The following SYT7 variants were observed in gnomAD, a reference collection of about 807,000 sequenced individuals.
SYT7 encodes the protein synaptotagmin-7.
A neutral mutation model predicts 75.1 loss-of-function variants in SYT7; 29 were observed. The ratio of observed to expected loss-of-function variants is 0.39; its 90% CI spans 0.29 to 0.53. The LOEUF is 0.53. Among genes scored for constraint, SYT7 ranks in the 20% least tolerant of loss-of-function variants. The probability of loss-of-function intolerance (pLI) is 0.77; values close to 1 mark genes in which losing one functional copy is unlikely to be tolerated. For missense variants in SYT7, 693 were observed against 953.2 expected, an observed-to-expected ratio of 0.73 and a Z score of 3.59; for synonymous variants, 376 against 401.7, an observed-to-expected ratio of 0.94 and a Z score of 0.76.
rs947231519 is a variant in SYT7, at chr11:61,576,997, T to A, written c.31+3793A>T. 4.6e-5 allele frequency among the ~76,000 whole-genome samples: 7 copies of A among 152,204 alleles called. No homozygotes were observed. Among genetic ancestry groups the A allele is most frequent in the African/African-American group, 1.7e-4 (7 of 41,520 alleles). ...ACCTGTCACCTACTGGCCTGTACGT[T>A]CCCACCTCAATCCGGCCTGCTCTAA... On this transcript the variant is annotated intron_variant, in intron 1 of 12. Transcript: ENST00000539008. This position sits in a 1 kb window ranked among gnomAD's most constrained non-coding sequence, Gnocchi z 4.1.
chr11:61,531,039 C>T, intron 8 of SYT7: 4 of 985,480 alleles, frequency 4.1e-6, no homozygotes, highest in Non-Finnish European at 4.8e-6. Context: ...CCTTCTTTGG[C>T]CAGCTCTGGG....
In SYT7 at chr11:61,580,813, C is replaced by T. The variant is rs999163469; in HGVS notation, c.8G>A (p.Arg3Gln). MY[R>Q]DPEAASPGAP... ...ACCTGGGCTGGCCGCCTCCGGGTCC[C>T]GGTACATGGTCCCCTCGTCGCCGGT... The change falls in exon 1 of 13, where the codon CGG (arginine) becomes CAG (glutamine). Residue 3 changes from arginine to glutamine, a missense_variant. Physicochemically the swap from Arg to Gln is conservative, Grantham distance 43. Coordinates refer to ENST00000539008, the MANE Select transcript of SYT7 (RefSeq NM_001365809.2). The surrounding 1 kb of genome is among the most constrained non-coding windows in gnomAD (Gnocchi z 6.1). 56 of 1,284,376 alleles carry T rather than the reference C, an allele frequency of 4.4e-5. No individual in the cohort carries two copies. The African/African-American group carries it at 7.6e-4, about 17-fold the overall frequency. 79.6% of individuals were successfully genotyped at this position (1,284,376 alleles called of 1,614,324 possible). A position where few individuals can be genotyped will look rare whatever the true frequency, so the allele number is the denominator to read the frequency against.
Position 61,523,244 on chromosome 11 carries a change from T to C in SYT7, c.1787A>G (p.Lys596Arg). 6.2e-7 allele frequency: 1 copy of C among 1,614,190 alleles called. No homozygotes were observed. The highest frequency in any genetic ancestry group is 1.1e-5 in the South Asian group (1 of 91,078). The change falls in exon 12 of 13, where the codon AAG (lysine) becomes AGG (arginine). Residue 596 changes from lysine to arginine, a missense_variant. Physicochemically the swap from Lys to Arg is conservative, Grantham distance 26 (BLOSUM62 2). Coordinates refer to ENST00000539008, the MANE Select transcript of SYT7 (RefSeq NM_001365809.2). This position sits in a 1 kb window ranked among gnomAD's most constrained non-coding sequence, Gnocchi z 5.0. ...DPYVKVWLMY[K>R]DKRVEKKKTV... The stretch of plus-strand genomic sequence containing the variant: ...CTTCTTCTTCTCCACCCGCTTGTCC[T>C]TGTACATCAGCCATACCTTCACGTA...
intron 1 of SYT7, among the ~76,000 whole-genome samples, chr11:61,574,151 G>A (rs1259772702): frequency 6.6e-6 from 1 of 152,216 alleles, no homozygotes; most frequent in Non-Finnish European, 1.5e-5. Context: ...CTTGGTACAG[G>A]ACAATGTTGA....
intron 1 of SYT7, among the ~76,000 whole-genome samples, chr11:61,571,853 C>CA (rs2063930443): frequency 6.6e-6 from 1 of 152,190 alleles, no homozygotes; most frequent in African/African-American, 2.4e-5. Flanking sequence ...CCCTCTCTGT[C>CA]ATTGCCAGGT....
In SYT7 at chr11:61,580,870, C is replaced by A; in HGVS notation, c.-50G>T. 1 of 1,174,766 alleles carries A rather than the reference C, an allele frequency of 8.5e-7. No individual in the cohort carries two copies. The highest frequency in any genetic ancestry group is 1.0e-6 in the Non-Finnish European group (1 of 952,388). The allele number at this position is 1,174,766 out of a possible 1,614,324, so 72.8% of individuals were successfully genotyped here. ...CGGGCTCCTCAGAGCCGCCCGCGGCCGCGCGCTGCTCCGCCGCCGCCGCTG... is the reference window on the plus strand; with the variant it reads ...CGGGCTCCTCAGAGCCGCCCGCGGCAGCGCGCTGCTCCGCCGCCGCCGCTG... On this transcript the variant is annotated 5_prime_UTR_variant, in exon 1 of 13. Transcript: ENST00000539008. The surrounding 1 kb of genome is among the most constrained non-coding windows in gnomAD (Gnocchi z 6.1).
Position 61,517,391 on chromosome 11 carries a change from A to C in SYT7, c.*1236T>G, listed in dbSNP as rs1216232324. ...CCTGCACTGTGAGTGAGTCGGGCAG[A>C]AGGAGCTGCTCCCGGGGACCAGGGA... On this transcript the variant is annotated 3_prime_UTR_variant, in exon 13 of 13. Transcript: ENST00000539008. The C allele has an allele frequency of 2.5e-6, 1 of 398,616 alleles. No individual in the cohort carries two copies. The highest frequency in any genetic ancestry group is 4.4e-6 in the Non-Finnish European group (1 of 226,184). 24.7% of individuals were successfully genotyped at this position (398,616 alleles called of 1,614,324 possible).
chr11:61,520,118 C>T (rs1341205832), intron 12 of SYT7, among the ~76,000 whole-genome samples: 1 of 127,680 alleles, frequency 7.8e-6, no homozygotes, highest in African/African-American at 4.3e-5. Context: ...TCTCACACTC[C>T]TGACCTCGTG....
chr11:61,584,656 G>C (rs2064348660), upstream of SYT7, among the ~76,000 whole-genome samples: 1 of 152,154 alleles, frequency 6.6e-6, no homozygotes, highest in African/African-American at 2.4e-5. Context: ...GGAGCTGCTG[G>C]GCTCCTTGAC....
Position 61,572,123 on chromosome 11 carries a change from G to C in SYT7, c.31+8667C>G, listed in dbSNP as rs534254144. 6.1e-3 allele frequency among the ~76,000 whole-genome samples: 928 copies of C among 152,302 alleles called. 4 individuals are homozygous for C. Among genetic ancestry groups the C allele is most frequent in the South Asian group, 0.014 (69 of 4,830 alleles). ...GAGAGGGAGGAATGAGGTTGGGGGG[G>C]GGGCACACAGACAATTCATCAGGCT... On this transcript the variant is annotated intron_variant, in intron 1 of 12. Transcript: ENST00000539008.
Position 61,530,064 on chromosome 11 carries a change from C to A in SYT7, c.1201-1879G>T, listed in dbSNP as rs1053143971. Among the ~76,000 whole-genome samples the A allele has an allele frequency of 5.3e-5, 8 of 152,224 alleles. 1 individual carries two copies. Among genetic ancestry groups the A allele is most frequent in the Admixed American group, 4.6e-4 (7 of 15,288 alleles). On this transcript the variant is annotated intron_variant, in intron 8 of 12. Transcript: ENST00000539008. ...TGAGGCAAGCACTCCCGCTGGAACA[C>A]GTGGAACACAGCTGGAACAGTTTCC...
chr11:61,552,454 ACACACACACACACACATG>A (rs774134317), intron 2 of SYT7, among the ~76,000 whole-genome samples: 7,194 of 133,622 alleles, frequency 0.054, 558 homozygotes, highest in African/African-American at 0.23. Flanking sequence ...CCCCGGCTGC[ACACACACACACACACATG>A]CACACACACA....
chr11:61,585,584 A>G (rs150842384), upstream of SYT7, among the ~76,000 whole-genome samples: 1 of 152,270 alleles, frequency 6.6e-6, no homozygotes, highest in African/African-American at 2.4e-5. Flanking sequence ...AAGTTAACAG[A>G]TATCTCCACC....
chr11:61,546,818 A>G lies in SYT7; in HGVS notation c.347+359T>C, dbSNP rs2063205798. Among the ~76,000 whole-genome samples the G allele has an allele frequency of 6.6e-6, 1 of 152,046 alleles. No homozygotes were observed. The highest frequency in any genetic ancestry group is 2.4e-5 in the African/African-American group (1 of 41,392). On this transcript the variant is annotated intron_variant, in intron 4 of 12. Coordinates refer to ENST00000539008, the MANE Select transcript of SYT7 (RefSeq NM_001365809.2). The surrounding 1 kb of genome is among the most constrained non-coding windows in gnomAD (Gnocchi z 7.6). ...CCACGGCAGCACACAGCGGGGAGGAAGAAGCGACCACAACCGAGGGGGCGG... is the reference window on the plus strand; with the variant it reads ...CCACGGCAGCACACAGCGGGGAGGAGGAAGCGACCACAACCGAGGGGGCGG...
chr11:61,551,546 G>A lies in SYT7; in HGVS notation c.136-83C>T. Reference sequence around the variant, plus strand: ...CCCAGAACAGGGACCCGGAGGGGAAGGAGATAGACTGGAGTCGGGCCGTGG... The same window carrying A: ...CCCAGAACAGGGACCCGGAGGGGAAAGAGATAGACTGGAGTCGGGCCGTGG... On this transcript the variant is annotated intron_variant, in intron 2 of 12. Coordinates refer to ENST00000539008, the MANE Select transcript of SYT7 (RefSeq NM_001365809.2). This position sits in a 1 kb window ranked among gnomAD's most constrained non-coding sequence, Gnocchi z 5.3. The A allele has an allele frequency of 7.1e-7, 1 of 1,415,814 alleles. No homozygotes were observed. The allele number at this position is 1,415,814 out of a possible 1,614,324, so 87.7% of individuals were successfully genotyped here. A position where few individuals can be genotyped will look rare whatever the true frequency, so the allele number is the denominator to read the frequency against.
Position 61,524,588 on chromosome 11 carries a change from C to G in SYT7, c.1472-56G>C. 1 of 1,509,356 alleles carries G rather than the reference C, an allele frequency of 6.6e-7. No individual in the cohort carries two copies. The highest frequency in any genetic ancestry group is 8.9e-7 in the Non-Finnish European group (1 of 1,125,300). 93.5% of individuals were successfully genotyped at this position (1,509,356 alleles called of 1,614,324 possible). A position where few individuals can be genotyped will look rare whatever the true frequency, so the allele number is the denominator to read the frequency against. On this transcript the variant is annotated intron_variant, in intron 9 of 12. Coordinates refer to ENST00000539008, the MANE Select transcript of SYT7 (RefSeq NM_001365809.2). This position sits in a 1 kb window ranked among gnomAD's most constrained non-coding sequence, Gnocchi z 4.1. ...GGGGACAGAGGGGCTGCACGGGGCC[C>G]GGGAGGCAAGGAAGGCCCTGGGAAG... is the stretch of plus-strand genomic sequence containing the variant.
chr11:61,534,753 C>T (rs1031956729), intron 7 of SYT7, among the ~76,000 whole-genome samples: 1 of 152,102 alleles, frequency 6.6e-6, no homozygotes, highest in African/African-American at 2.4e-5. Flanking sequence ...GCCTCTACAA[C>T]ACGGAAACGC....
chr11:61,566,607 G>A (rs976611177), intron 1 of SYT7, among the ~76,000 whole-genome samples: 3 of 152,224 alleles, frequency 2.0e-5, no homozygotes, highest in African/African-American at 7.2e-5. Flanking sequence ...ACGTCTGTCA[G>A]AGCAGCAGGA....
chr11:61,541,285 C>A (rs1185101465), intron 6 of SYT7: 2 of 985,428 alleles, frequency 2.0e-6, no homozygotes, highest in African/African-American at 3.5e-5. Context: ...GCGATGGGAA[C>A]AATCCCCAGG....
Sources: allele counts gnomAD v4.1 joint callset (sites outside exome capture counted in the v4.1 genomes callset), GRCh38; gene constraint gnomAD v4.1.1; non-coding constraint Gnocchi (gnomAD v3.1); transcripts MANE v1.5; gene names NCBI Gene and HGNC (gene_info 2026-07-23, HGNC 2026-07-21).